STPG2: variants seen among roughly 807,000 people sequenced by gnomAD.
STPG2 encodes the protein sperm tail PG-rich repeat containing 2, also known as sperm-tail PG-rich repeat-containing protein 2.
In STPG2, 56 loss-of-function variants were observed where a neutral mutation model predicts 54.2. The ratio of observed to expected loss-of-function variants is 1.03; its 90% confidence interval spans 0.83 to 1.29. The LOEUF is 1.29. Ranked by LOEUF, STPG2 falls within the 50% of genes most tolerant of loss-of-function variation. The pLI, the probability that STPG2 is intolerant of heterozygous loss-of-function variation, is 0.00. For synonymous variants in STPG2, 200 were observed against 181.8 expected (o/e 1.10, Z -0.81); for missense variants, 596 against 544.9 (o/e 1.09, Z -0.93).
intron 10 of STPG2, among the ~76,000 whole-genome samples, chr4:97,591,927 A>G (rs542950177): frequency 6.6e-6 from 1 of 152,324 alleles, no homozygotes; most frequent in African/African-American, 2.4e-5. Context: ...TGTACATAGT[A>G]TATCTTTGAA....
intron 9 of STPG2, among the ~76,000 whole-genome samples, chr4:97,714,564 T>G (rs1037895921): frequency 6.6e-6 from 1 of 152,156 alleles, no homozygotes; most frequent in African/African-American, 2.4e-5. Flanking sequence ...AAGGAAAGTG[T>G]TTTTGCAAAT....
At chr4:97,991,311 CAT>C (rs910911556) in intron 5 of STPG2, among the ~76,000 whole-genome samples, 3 of 150,944 alleles carry the variant, frequency 2.0e-5, no homozygotes, top group Non-Finnish European at 2.9e-5. Flanking sequence ...CACACACACA[CAT>C]ATATATACAC....
At chr4:97,846,507 C>G (rs1240831872) in intron 8 of STPG2, among the ~76,000 whole-genome samples, 1 of 151,646 alleles carries the variant, frequency 6.6e-6, no homozygotes, top group African/African-American at 2.4e-5. Flanking sequence ...TGCCTGTAAT[C>G]CCAGCTACTC....
chr4:97,447,541 A>G (rs75792119), intron 4 of STPG2, among the ~76,000 whole-genome samples: 3,927 of 151,730 alleles, frequency 0.026, 108 homozygotes, highest in African/African-American at 0.077. Flanking sequence ...ATGGTGTCCT[A>G]TGACCCAGAT....
chr4:97,554,737 A>G (rs961940348), downstream of STPG2, among the ~76,000 whole-genome samples: 4 of 152,220 alleles, frequency 2.6e-5, no homozygotes, highest in Non-Finnish European at 5.9e-5. Context: ...ATAAATAGTT[A>G]TGCTACCCAA....
chr4:97,723,359 T>G (rs772428556), intron 9 of STPG2, among the ~76,000 whole-genome samples: 13 of 152,106 alleles, frequency 8.5e-5, no homozygotes, highest in Admixed American at 1.3e-4. Context: ...GGTAAAAATC[T>G]ACTTATTGGA....
chr4:97,500,595 A>C (rs747208791), intron 4 of STPG2, among the ~76,000 whole-genome samples: 1 of 152,094 alleles, frequency 6.6e-6, no homozygotes, highest in Non-Finnish European at 1.5e-5. Context: ...TACAGCTTTA[A>C]TAAGTTAAGA....
chr4:97,485,402 T>C (rs1730328648), intron 4 of STPG2, among the ~76,000 whole-genome samples: 1 of 151,876 alleles, frequency 6.6e-6, no homozygotes, highest in African/African-American at 2.4e-5. Context: ...GTAGCTCTTC[T>C]ATACACCAAC....
At chr4:97,887,909 C>A (rs1013726499) in intron 8 of STPG2, among the ~76,000 whole-genome samples, 1 of 152,176 alleles carries the variant, frequency 6.6e-6, no homozygotes. Context: ...TCCCTGCATC[C>A]CAGCCACTCC....
At chr4:97,599,780 TGC>T (rs1733407236) in intron 10 of STPG2, among the ~76,000 whole-genome samples, 2 of 143,984 alleles carry the variant, frequency 1.4e-5, no homozygotes, top group South Asian at 4.3e-4. Context: ...GTGGAGATCG[TGC>T]CACTGAACTC....
chr4:97,835,033 G>A (rs1439754484), intron 9 of STPG2, among the ~76,000 whole-genome samples: 2 of 152,066 alleles, frequency 1.3e-5, no homozygotes, highest in Non-Finnish European at 2.9e-5. Flanking sequence ...AGTAGTGGTT[G>A]GGTAAAATAA....
intron 7 of STPG2, among the ~76,000 whole-genome samples, chr4:97,962,392 C>T (rs1332239858): frequency 6.6e-6 from 1 of 151,796 alleles, no homozygotes; most frequent in Admixed American, 6.6e-5. Context: ...ACAAATGGAC[C>T]AATACAATAC....
At chr4:97,581,699 T>C (rs1418782979) in intron 10 of STPG2, among the ~76,000 whole-genome samples, 3 of 152,102 alleles carry the variant, frequency 2.0e-5, no homozygotes, top group African/African-American at 7.2e-5. Flanking sequence ...CAAACACAAA[T>C]GGGACAGGAG....
chr4:97,638,241 G>C (rs544159043), intron 10 of STPG2, among the ~76,000 whole-genome samples: 1 of 152,082 alleles, frequency 6.6e-6, no homozygotes, highest in African/African-American at 2.4e-5. Flanking sequence ...CAAGCAATGG[G>C]GAAAGGATTC....
intron 10 of STPG2, among the ~76,000 whole-genome samples, chr4:97,683,546 A>G (rs1221601509): frequency 6.6e-6 from 1 of 151,846 alleles, no homozygotes; most frequent in Non-Finnish European, 1.5e-5. Flanking sequence ...ATATATTCAG[A>G]AAAACATTTG....
chr4:98,093,931 C>T (rs889655110), intron 5 of STPG2, among the ~76,000 whole-genome samples: 7 of 152,164 alleles, frequency 4.6e-5, no homozygotes, highest in Non-Finnish European at 5.9e-5. Flanking sequence ...TCTTGTTACA[C>T]GGAGTGAAGT....
At chr4:98,007,663 G>A (rs1735616305) in intron 5 of STPG2, among the ~76,000 whole-genome samples, 1 of 151,834 alleles carries the variant, frequency 6.6e-6, no homozygotes, top group South Asian at 2.1e-4. Flanking sequence ...TGATGTTAAT[G>A]AAACTCAATG....
intron 5 of STPG2, among the ~76,000 whole-genome samples, chr4:98,024,056 G>T (rs1399308549): frequency 1.3e-5 from 2 of 152,130 alleles, no homozygotes; most frequent in Non-Finnish European, 2.9e-5. Flanking sequence ...CCCACTGTCT[G>T]GCACTCCCTA....
At chr4:97,495,238 T>C (rs368751329) in intron 4 of STPG2, among the ~76,000 whole-genome samples, 4 of 151,528 alleles carry the variant, frequency 2.6e-5, no homozygotes, top group African/African-American at 4.8e-5. Context: ...CTTTATCCTA[T>C]TATTCCTAGT....
Sources: allele counts gnomAD v4.1 joint callset (sites outside exome capture counted in the v4.1 genomes callset), GRCh38; gene constraint gnomAD v4.1.1; transcripts MANE v1.5; gene names NCBI Gene and HGNC (gene_info 2026-07-23, HGNC 2026-07-21).